The following OSBPL9 variants were observed in gnomAD, a reference collection of about 807,000 sequenced individuals.
OSBPL9 encodes oxysterol-binding protein-related protein 9.
Under a neutral mutation model 106.6 loss-of-function variants are expected in OSBPL9, and 40 were observed. That is an observed-to-expected ratio of 0.38 (90% CI 0.29 to 0.49). The LOEUF (loss-of-function observed/expected upper bound fraction) is 0.49, where lower values mean the gene tolerates loss of function less well. Among genes scored for constraint, OSBPL9 ranks in the 20% least tolerant of loss-of-function variants. OSBPL9 has a pLI of 0.97. For synonymous variants in OSBPL9, 269 were observed against 295.4 expected (o/e 0.91, Z 0.92); for missense variants, 609 against 887.2 (o/e 0.69, Z 3.98).
intron 1 of OSBPL9, among the ~76,000 whole-genome samples, chr1:51,624,864 G>A (rs751592763): frequency 2.0e-4 from 30 of 152,250 alleles, no homozygotes; most frequent in South Asian, 1.0e-3. Flanking sequence ...CAGCAAGCTT[G>A]TAAACTCCAT....
At chr1:51,581,807 C>G (rs1025926175) in intron 1 of OSBPL9, among the ~76,000 whole-genome samples, 27 of 152,222 alleles carry the variant, frequency 1.8e-4, no homozygotes, top group Admixed American at 6.5e-5. Context: ...GCCACCACAA[C>G]TGGCTTTTTG....
At chr1:51,698,483 T>C (rs902399617) in intron 3 of OSBPL9, among the ~76,000 whole-genome samples, 1 of 152,174 alleles carries the variant, frequency 6.6e-6, no homozygotes, top group Admixed American at 6.6e-5. Flanking sequence ...TGTACACATA[T>C]GTACACATAT....
chr1:51,609,356 T>C (rs1643969832), intron 2 of OSBPL9, among the ~76,000 whole-genome samples: 1 of 151,452 alleles, frequency 6.6e-6, no homozygotes, highest in Non-Finnish European at 1.5e-5. Context: ...TTTTTTTTTT[T>C]TTTTAGAGAT....
chr1:51,715,474 G>A (rs998282414), intron 4 of OSBPL9, among the ~76,000 whole-genome samples: 3 of 152,044 alleles, frequency 2.0e-5, no homozygotes, highest in African/African-American at 2.4e-5. Context: ...GTCTCACTTT[G>A]TACCCCAGAA....
chr1:51,611,744 G>T (rs61578637), intron 2 of OSBPL9, among the ~76,000 whole-genome samples: 9 of 152,248 alleles, frequency 5.9e-5, no homozygotes, highest in Non-Finnish European at 1.0e-4. Context: ...GTCAAGGGGT[G>T]GGGGGTGGAT....
intron 4 of OSBPL9, among the ~76,000 whole-genome samples, chr1:51,726,276 A>G (rs1423264278): frequency 6.6e-6 from 1 of 152,174 alleles, no homozygotes; most frequent in Non-Finnish European, 1.5e-5. Context: ...CTTCTCTTAC[A>G]GAGTTAAGAA....
chr1:51,586,389 CA>C lies in OSBPL9; in HGVS notation c.-423+9134del, dbSNP rs201905653. Reference sequence around the variant, plus strand: ...AGACATTAGGTCATAAACATTTCCCCATGACATTAAAAACTTCCCAAACATT... The same window carrying C: ...AGACATTAGGTCATAAACATTTCCCCTGACATTAAAAACTTCCCAAACATT... On this transcript the variant is annotated intron_variant, in intron 1 of 25. Transcript: ENST00000371714. Among the ~76,000 whole-genome samples, 649 of 152,042 alleles carry C rather than the reference CA, an allele frequency of 4.3e-3. 12 individuals are homozygous for C. Among genetic ancestry groups the C allele is most frequent in the Admixed American group, 0.029 (435 of 15,260 alleles).
chr1:51,699,851 T>TG (rs137969824), intron 3 of OSBPL9, among the ~76,000 whole-genome samples: 1 of 152,330 alleles, frequency 6.6e-6, no homozygotes, highest in Non-Finnish European at 1.5e-5. Flanking sequence ...CATAGGGGTG[T>TG]GCTTGTGTCT....
intron 9 of OSBPL9, chr1:51,756,891 CTCTCT>C (rs1557814501): frequency 6.6e-6 from 1 of 152,160 alleles, no homozygotes; most frequent in East Asian, 1.9e-4. Flanking sequence ...ACTCTTTCCT[CTCTCT>C]TATCTTTTTA....
chr1:51,636,082 ATGTGTG>A (rs35392929), intron 1 of OSBPL9, among the ~76,000 whole-genome samples: 5 of 139,646 alleles, frequency 3.6e-5, no homozygotes, highest in African/African-American at 7.9e-5. Flanking sequence ...ATGTATGTAT[ATGTGTG>A]TGTGTGTGTG....
In OSBPL9 at chr1:51,772,108, C is replaced by T. The variant is rs762487198; in HGVS notation, c.977C>T (p.Ser326Leu). Residue 326 changes from serine to leucine, a missense_variant, in exon 13 of 24, where the codon TCG (serine) becomes TTG (leucine). Coordinates refer to ENST00000428468, the MANE Select transcript of OSBPL9 (RefSeq NM_024586.6). ...GCCTCAGTCCTGACACACAGCAGCT[C>T]GGGAAATAGTCTAAAACGCCCAGAT... Reference protein sequence around the residue: ...GSASVLTHSSSGNSLKRPDTT... With the variant: ...GSASVLTHSSLGNSLKRPDTT... 2.7e-5 allele frequency: 43 copies of T among 1,613,842 alleles called. No homozygotes were observed. The highest frequency in any genetic ancestry group is 1.5e-4 in the South Asian group (14 of 91,084).
intron 5 of OSBPL9, among the ~76,000 whole-genome samples, chr1:51,745,993 A>G (rs898142661): frequency 2.0e-5 from 3 of 152,070 alleles, no homozygotes; most frequent in African/African-American, 7.2e-5. Flanking sequence ...ACAGAGTCTC[A>G]CTCTGTCACC....
Position 51,781,323 on chromosome 1 carries a change from T to C in OSBPL9, c.1416T>C (p.Thr472=). 6.2e-7 allele frequency: 1 copy of C among 1,614,152 alleles called. No homozygotes were observed. ...FQCHWTLPND[T]EENTELVSEG... ...GTCATTGGACATTACCAAATGATACTGAAGAGAACACAGTGAGTTCTGCAT... is the reference window on the plus strand; with the variant it reads ...GTCATTGGACATTACCAAATGATACCGAAGAGAACACAGTGAGTTCTGCAT... The change falls in exon 16 of 24, where the codon ACT becomes ACC. Residue 472 remains threonine, a synonymous_variant. Transcript: ENST00000428468.
chr1:51,549,424 T>C, the OSBPL9 span, among the ~76,000 whole-genome samples: 1 of 152,224 alleles, frequency 6.6e-6, no homozygotes, highest in African/African-American at 2.4e-5. Context: ...GCACCTACTA[T>C]GTTCCAGATC....
chr1:51,578,598 A>G (rs1570526777), intron 1 of OSBPL9, among the ~76,000 whole-genome samples: 1 of 152,322 alleles, frequency 6.6e-6, no homozygotes, highest in East Asian at 1.9e-4. Flanking sequence ...CCATGCACAC[A>G]GACTTGTCAG....
intron 3 of OSBPL9, among the ~76,000 whole-genome samples, chr1:51,713,597 A>G (rs541423921): frequency 6.6e-6 from 1 of 152,332 alleles, no homozygotes; most frequent in Non-Finnish European, 1.5e-5. Context: ...GGAATTTGCA[A>G]TGCCTCCATG....
intron 2 of OSBPL9, among the ~76,000 whole-genome samples, chr1:51,664,159 G>T (rs577065536): frequency 6.6e-6 from 1 of 152,180 alleles, no homozygotes; most frequent in South Asian, 2.1e-4. Flanking sequence ...TATAACAAAA[G>T]ATATGAATAA....
intron 8 of OSBPL9, among the ~76,000 whole-genome samples, chr1:51,754,731 T>C (rs1669964900): frequency 6.6e-6 from 1 of 152,222 alleles, no homozygotes; most frequent in Non-Finnish European, 1.5e-5. Flanking sequence ...AAAAATATTA[T>C]TTCAACATGT....
the OSBPL9 span, among the ~76,000 whole-genome samples, chr1:51,553,593 CA>C: frequency 6.6e-6 from 1 of 152,026 alleles, no homozygotes; most frequent in East Asian, 1.9e-4. Flanking sequence ...CAATGCACTA[CA>C]GCAGATAGTC....
Sources: gnomAD v4.1 joint callset for allele counts (sites outside exome capture counted in the v4.1 genomes callset) on GRCh38, gnomAD v4.1.1 for gene constraint, MANE v1.5 for transcripts, NCBI Gene and HGNC (gene_info 2026-07-23, HGNC 2026-07-21) for gene names.